PCDH15: variants seen among roughly 807,000 people sequenced by gnomAD.
The protein encoded by PCDH15 is protocadherin related 15, also known as protocadherin-15.
A neutral mutation model predicts 178.5 loss-of-function variants in PCDH15; 129 were observed. The observed-to-expected ratio is 0.72, with a 90% confidence interval of 0.63 to 0.84. The LOEUF (loss-of-function observed/expected upper bound fraction) is 0.84, where lower values mean the gene tolerates loss of function less well. Ranked by LOEUF, PCDH15 falls within the 40% of genes least tolerant of loss-of-function variation. PCDH15 has a pLI of 0.00. For synonymous variants in PCDH15, 800 were observed against 732.0 expected, an observed-to-expected ratio of 1.09 and a Z score of -1.50; for missense variants, 2,230 against 2,099.9, an observed-to-expected ratio of 1.06 and a Z score of -1.21.
intron 2 of PCDH15, among the ~76,000 whole-genome samples, chr10:55,073,852 C>T (rs763159308): frequency 6.6e-6 from 1 of 151,898 alleles, no homozygotes; most frequent in Non-Finnish European, 1.5e-5. Flanking sequence ...TTTCCTAATG[C>T]TCTTGCTCCC....
At chr10:55,569,077 C>T (rs541022460) in intron 2 of PCDH15, among the ~76,000 whole-genome samples, 151 of 152,068 alleles carry the variant, frequency 9.9e-4, no homozygotes, top group African/African-American at 3.6e-3. Context: ...TCACTTTGTC[C>T]ACAATTCTAG....
In PCDH15 at chr10:54,573,967, G is replaced by T. The variant is rs528153288; in HGVS notation, c.92-46090C>A. ...TAGGTTGTGAAAATTTTCTCCCATT[G>T]TGTAGGTTGCCTGTTCACTCTGATG... On this transcript the variant is annotated intron_variant, in intron 2 of 37. Transcript: ENST00000644397. Among the ~76,000 whole-genome samples the T allele has an allele frequency of 3.8e-4, 58 of 152,188 alleles. No homozygotes were observed. The East Asian group carries it at 5.2e-3, about 14-fold the overall frequency.
intron 3 of PCDH15, among the ~76,000 whole-genome samples, chr10:54,421,693 T>TATACAC (rs1346156229): frequency 2.6e-5 from 3 of 115,908 alleles, no homozygotes; most frequent in Admixed American, 1.7e-4. Flanking sequence ...TATATATATA[T>TATACAC]ACACACACAC....
intron 2 of PCDH15, among the ~76,000 whole-genome samples, chr10:55,352,220 C>T (rs1050318276): frequency 6.6e-6 from 1 of 152,010 alleles, no homozygotes; most frequent in Non-Finnish European, 1.5e-5. Context: ...GTGTTTATCA[C>T]TTTTTTTGCT....
intron 2 of PCDH15, among the ~76,000 whole-genome samples, chr10:54,583,177 C>T (rs1183804228): frequency 1.3e-5 from 2 of 151,940 alleles, no homozygotes; most frequent in Admixed American, 6.6e-5. Context: ...CCTTTTTTAA[C>T]TTTATGAAAA....
intron 32 of PCDH15, chr10:53,822,460 G>A (rs760422871): frequency 1.9e-6 from 3 of 1,603,786 alleles, no homozygotes; most frequent in African/African-American, 2.7e-5. Flanking sequence ...GGAGGAGAAG[G>A]AGGAGAAATA....
chr10:54,678,145 TATATAA>T (rs1256988988), intron 1 of PCDH15, among the ~76,000 whole-genome samples: 5 of 152,208 alleles, frequency 3.3e-5, no homozygotes, highest in Admixed American at 1.3e-4. Context: ...CAAAGTAACA[TATATAA>T]ATATATGTAT....
At chr10:54,997,433 C>T (rs914122231) in intron 2 of PCDH15, among the ~76,000 whole-genome samples, 1 of 152,130 alleles carries the variant, frequency 6.6e-6, no homozygotes, top group African/African-American at 2.4e-5. Flanking sequence ...GCTAGCTTTA[C>T]AATTATTGGT....
At chr10:55,545,034 C>T (rs1841848511) in intron 2 of PCDH15, among the ~76,000 whole-genome samples, 1 of 152,118 alleles carries the variant, frequency 6.6e-6, no homozygotes, top group Non-Finnish European at 1.5e-5. Context: ...TAAAGTGTAT[C>T]TTCAAAGAAA....
At chr10:54,940,059 T>G (rs2131862487) in intron 2 of PCDH15, among the ~76,000 whole-genome samples, 1 of 152,346 alleles carries the variant, frequency 6.6e-6, no homozygotes, top group Admixed American at 6.5e-5. Context: ...CATTATTTCC[T>G]ACCATGTGTT....
intron 2 of PCDH15, among the ~76,000 whole-genome samples, chr10:54,917,521 TG>T (rs2131840546): frequency 6.6e-6 from 1 of 152,320 alleles, no homozygotes; most frequent in Admixed American, 6.5e-5. Context: ...ATTTATTGCC[TG>T]TGCTATGATT....
In PCDH15 at chr10:55,579,608, G is replaced by A. The variant is rs1411940841; in HGVS notation, c.-156+48017C>T. On this transcript the variant is annotated intron_variant, in intron 2 of 5. Coordinates refer to the PCDH15 transcript ENST00000613346. ...AGTGGCAAAATTAGGTATTATGGAA[G>A]GAAGCAAAAATATATGTAGCTAATA... Among the ~76,000 whole-genome samples the A allele has an allele frequency of 5.9e-5, 9 of 152,162 alleles. No individual in the cohort carries two copies. The East Asian group carries it at 1.5e-3, about 26-fold the overall frequency.
intron 1 of PCDH15, among the ~76,000 whole-genome samples, chr10:54,680,766 C>T (rs556718463): frequency 6.6e-6 from 1 of 152,292 alleles, no homozygotes; most frequent in African/African-American, 2.4e-5. Flanking sequence ...GCTCCTTCAC[C>T]TTCTGCCATG....
At chr10:54,917,962 A>C (rs1161171000) in intron 2 of PCDH15, among the ~76,000 whole-genome samples, 1 of 150,232 alleles carries the variant, frequency 6.7e-6, no homozygotes, top group East Asian at 1.9e-4. Context: ...TTTTTTTGTA[A>C]ACTGATATTT....
At chr10:55,187,759 T>G (rs1016627893) in intron 1 of PCDH15, among the ~76,000 whole-genome samples, 1 of 151,888 alleles carries the variant, frequency 6.6e-6, no homozygotes, top group Non-Finnish European at 1.5e-5. Flanking sequence ...AAAAAGAACA[T>G]GTAACAGAGA....
chr10:55,158,243 G>T (rs1838951900), intron 2 of PCDH15, among the ~76,000 whole-genome samples: 5 of 151,846 alleles, frequency 3.3e-5, no homozygotes, highest in Admixed American at 2.0e-4. Flanking sequence ...TTATGAAAAT[G>T]TTATATGCAG....
intron 2 of PCDH15, among the ~76,000 whole-genome samples, chr10:55,442,455 T>TGATA (rs1839210068): frequency 8.3e-6 from 1 of 121,148 alleles, no homozygotes; most frequent in Non-Finnish European, 1.6e-5. Context: ...CTTAATTTGA[T>TGATA]TATATATATA....
At chr10:54,795,500 C>A (rs1486503174) in intron 1 of PCDH15, among the ~76,000 whole-genome samples, 1 of 151,698 alleles carries the variant, frequency 6.6e-6, no homozygotes, top group East Asian at 1.9e-4. Context: ...ATTAAAAAAC[C>A]AAAACATCAT....
intron 2 of PCDH15, among the ~76,000 whole-genome samples, chr10:55,405,304 A>ATATATATATATATATATATAT: frequency 7.2e-6 from 1 of 138,136 alleles, no homozygotes; most frequent in Non-Finnish European, 1.6e-5. Flanking sequence ...ATATATATAT[A>ATATATATATATATATATATAT]CAATTTAATG....
Sources: allele counts gnomAD v4.1 joint callset (sites outside exome capture counted in the v4.1 genomes callset), GRCh38; gene constraint gnomAD v4.1.1; transcripts MANE v1.5; gene names NCBI Gene and HGNC (gene_info 2026-07-23, HGNC 2026-07-21).